Variants in TCF12 observed in about 807,000 individuals in gnomAD.
TCF12 encodes transcription factor 12.
TCF12 carries 45 observed loss-of-function variants against 86.0 expected under a neutral mutation model. The ratio of observed to expected loss-of-function variants is 0.52; its 90% CI spans 0.41 to 0.67. The LOEUF is 0.67. Among genes scored for constraint, TCF12 ranks in the 30% least tolerant of loss-of-function variants. The probability of loss-of-function intolerance (pLI) is 0.00; values close to 1 mark genes in which losing one functional copy is unlikely to be tolerated. For missense variants in TCF12, 881 were observed against 859.9 expected, an observed-to-expected ratio of 1.02 and a Z score of -0.31; for synonymous variants, 330 against 299.6, an observed-to-expected ratio of 1.10 and a Z score of -1.05.
chr15:57,199,988 C>T (rs1368603110), intron 8 of TCF12, among the ~76,000 whole-genome samples: 1 of 151,596 alleles, frequency 6.6e-6, no homozygotes, highest in African/African-American at 2.4e-5. Flanking sequence ...CTCAAGCGAC[C>T]CTTCCACCTC....
At chr15:57,038,901 C>T (rs1310344663) in intron 3 of TCF12, among the ~76,000 whole-genome samples, 1 of 152,082 alleles carries the variant, frequency 6.6e-6, no homozygotes, top group East Asian at 1.9e-4. Flanking sequence ...ATTATTTGTA[C>T]TGTAGTTAGC....
downstream of TCF12, chr15:57,289,971 C>T (rs2062048535): frequency 6.6e-6 from 1 of 151,804 alleles, no homozygotes; most frequent in African/African-American, 2.4e-5. Context: ...TCCAATGAAA[C>T]ACTGCATTTC....
intron 3 of TCF12, among the ~76,000 whole-genome samples, chr15:57,018,442 G>A (rs1267310450): frequency 6.6e-6 from 1 of 152,006 alleles, no homozygotes; most frequent in Non-Finnish European, 1.5e-5. Context: ...ATGCCTCTCT[G>A]GGCCGGATTT....
Position 57,039,682 on chromosome 15 carries a change from T to G in TCF12, c.149-24068T>G, listed in dbSNP as rs76118444. 8.4e-3 allele frequency among the ~76,000 whole-genome samples: 1,274 copies of G among 152,304 alleles called. 9 individuals are homozygous for G. Among genetic ancestry groups the G allele is most frequent in the Non-Finnish European group, 0.014 (961 of 68,018 alleles). On this transcript the variant is annotated intron_variant, in intron 3 of 20. Coordinates refer to ENST00000333725, the MANE Select transcript of TCF12 (RefSeq NM_207037.2). ...CCCAAAATAAACTTTGTTTCCTGTC[T>G]CTCTGTGGGTTATGCTTACTTATTA... is the stretch of plus-strand genomic sequence containing the variant.
At chr15:57,018,879 C>T (rs551560880) in intron 3 of TCF12, among the ~76,000 whole-genome samples, 146 of 152,276 alleles carry the variant, frequency 9.6e-4, no homozygotes, top group African/African-American at 3.4e-3. Flanking sequence ...ACGCTAACTA[C>T]TGGTTCTTTT....
intron 20 of TCF12, 110 bp downstream of exon 20, chr15:57,282,708 GTCACAT>G (rs2061748063): frequency 7.8e-7 from 1 of 1,277,290 alleles, no homozygotes; most frequent in East Asian, 2.3e-5. Context: ...CATTGTAAAG[GTCACAT>G]GTAATTTGAA....
At chr15:57,246,272 C>T (rs368694151) in intron 13 of TCF12, among the ~76,000 whole-genome samples, 1 of 152,146 alleles carries the variant, frequency 6.6e-6, no homozygotes, top group African/African-American at 2.4e-5. Context: ...TTCTTTAAAT[C>T]CCCAGTGTTT....
chr15:57,146,703 T>A (rs2053387158), intron 5 of TCF12, among the ~76,000 whole-genome samples: 1 of 152,236 alleles, frequency 6.6e-6, no homozygotes, highest in Non-Finnish European at 1.5e-5. Context: ...AGCTTAAATA[T>A]TATACATTCC....
intron 3 of TCF12, among the ~76,000 whole-genome samples, chr15:57,009,653 A>C (rs760971665): frequency 6.6e-6 from 1 of 152,182 alleles, no homozygotes; most frequent in Non-Finnish European, 1.5e-5. Flanking sequence ...GTTGGAGAAA[A>C]CAGAAGAAAC....
chr15:57,274,642 G>A (rs1393402674), intron 19 of TCF12, among the ~76,000 whole-genome samples: 2 of 152,106 alleles, frequency 1.3e-5, no homozygotes, highest in African/African-American at 2.4e-5. Flanking sequence ...AGGCAGCAAG[G>A]CACCTATGTT....
At chr15:57,147,148 A>G (rs1186061218) in intron 5 of TCF12, among the ~76,000 whole-genome samples, 24 of 152,232 alleles carry the variant, frequency 1.6e-4, no homozygotes, top group Admixed American at 1.4e-3. Flanking sequence ...TTGGCTGAAT[A>G]TAATCCAAAA....
At chr15:56,960,458 C>G (rs1390362999) in intron 3 of TCF12, among the ~76,000 whole-genome samples, 4 of 139,082 alleles carry the variant, frequency 2.9e-5, no homozygotes, top group East Asian at 4.2e-4. Context: ...GAGATGGAGT[C>G]TCACTCTGTC....
intron 3 of TCF12, among the ~76,000 whole-genome samples, chr15:57,006,446 A>G (rs1373082265): frequency 2.0e-5 from 3 of 151,738 alleles, no homozygotes; most frequent in African/African-American, 4.8e-5. Context: ...CTGGGATTAC[A>G]GGCGCCTGCC....
At chr15:57,076,314 T>C (rs570749222) in intron 4 of TCF12, among the ~76,000 whole-genome samples, 1 of 152,298 alleles carries the variant, frequency 6.6e-6, no homozygotes, top group Admixed American at 6.5e-5. Context: ...TTTTTATTAT[T>C]AGATTTCTTA....
rs375883663 is a variant in TCF12, at chr15:57,212,984, A to C, written c.579+15159A>C. Among the ~76,000 whole-genome samples the C allele has an allele frequency of 1.2e-4, 19 of 152,346 alleles. No homozygotes were observed. In the East Asian group the frequency reaches 3.5e-3, roughly 28 times the overall value. On this transcript the variant is annotated intron_variant, in intron 8 of 20. Coordinates refer to ENST00000333725, the MANE Select transcript of TCF12 (RefSeq NM_207037.2). Reference sequence around the variant, plus strand: ...ATGATAGGGAGAATACTTCTGCCCTACTGCATACACATGTGCTACTGCTAC... The same window carrying C: ...ATGATAGGGAGAATACTTCTGCCCTCCTGCATACACATGTGCTACTGCTAC...
At chr15:56,966,075 A>G (rs758879810) in intron 3 of TCF12, among the ~76,000 whole-genome samples, 8 of 151,896 alleles carry the variant, frequency 5.3e-5, no homozygotes, top group Non-Finnish European at 1.0e-4. Context: ...TCTTATGATG[A>G]AGGTTGAAAG....
intron 3 of TCF12, among the ~76,000 whole-genome samples, chr15:56,972,396 GA>G (rs2062384315): frequency 6.6e-6 from 1 of 152,158 alleles, no homozygotes; most frequent in African/African-American, 2.4e-5. Context: ...CAGTACATAG[GA>G]AAGTGATTAT....
chr15:57,281,186 A>G (rs1428808442), intron 19 of TCF12, among the ~76,000 whole-genome samples: 1 of 150,680 alleles, frequency 6.6e-6, no homozygotes. Context: ...AGCCTTGACA[A>G]CTCTTGGGCT....
intron 16 of TCF12, among the ~76,000 whole-genome samples, chr15:57,258,466 C>A (rs1363702499): frequency 1.3e-5 from 2 of 152,172 alleles, no homozygotes; most frequent in African/African-American, 4.8e-5. Context: ...CAGACAGTAA[C>A]TTCAACTTCA....
Sources: allele counts gnomAD v4.1 joint callset (sites outside exome capture counted in the v4.1 genomes callset), GRCh38; gene constraint gnomAD v4.1.1; transcripts MANE v1.5; gene names NCBI Gene and HGNC (gene_info 2026-07-23, HGNC 2026-07-21).